Variants in TMEM178B observed in about 807,000 individuals in gnomAD.
The protein encoded by TMEM178B is transmembrane protein 178B.
In TMEM178B, 5 loss-of-function variants were observed where a neutral mutation model predicts 31.0. That is an observed-to-expected ratio of 0.16 (90% confidence interval 0.08 to 0.34). TMEM178B has a LOEUF of 0.34. Ranked by LOEUF, TMEM178B falls within the 10% of genes least tolerant of loss-of-function variation. TMEM178B has a pLI of 1.00. For synonymous variants in TMEM178B, 164 were observed against 164.0 expected (o/e 1.00, Z 0.00); for missense variants, 275 against 400.3 (o/e 0.69, Z 2.67).
intron 1 of TMEM178B, among the ~76,000 whole-genome samples, chr7:141,095,956 G>T (rs927864368): frequency 6.6e-6 from 1 of 152,162 alleles, no homozygotes; most frequent in South Asian, 2.1e-4. Flanking sequence ...CATAGGAGTG[G>T]CCAGGTGGGT....
intron 3 of TMEM178B, among the ~76,000 whole-genome samples, chr7:141,448,780 A>C (rs1801807836): frequency 6.6e-6 from 1 of 152,176 alleles, no homozygotes; most frequent in South Asian, 2.1e-4. Context: ...GTCCAGGCTC[A>C]GACTGGGACC....
intron 1 of TMEM178B, among the ~76,000 whole-genome samples, chr7:141,089,698 A>G (rs936323961): frequency 6.6e-6 from 1 of 152,220 alleles, no homozygotes; most frequent in Non-Finnish European, 1.5e-5. Context: ...GGATGAGTTC[A>G]TGTCCTTTGT....
intron 2 of TMEM178B, among the ~76,000 whole-genome samples, chr7:141,309,169 A>G (rs1798866419): frequency 6.6e-6 from 1 of 152,244 alleles, no homozygotes; most frequent in African/African-American, 2.4e-5. Context: ...AGAAGAAAAT[A>G]AAAATCACCT....
chr7:141,370,650 A>G (rs1800099182), intron 2 of TMEM178B, among the ~76,000 whole-genome samples: 2 of 152,262 alleles, frequency 1.3e-5, no homozygotes, highest in Non-Finnish European at 2.9e-5. Context: ...AGATTTGGAC[A>G]GGACTTGCAA....
intron 2 of TMEM178B, among the ~76,000 whole-genome samples, chr7:141,255,848 C>A (rs966783524): frequency 1.3e-5 from 2 of 152,252 alleles, no homozygotes; most frequent in African/African-American, 4.8e-5. Context: ...AGCCACTGCA[C>A]CTGGCCATTT....
At chr7:141,484,603 C>T (rs972560538), downstream of TMEM178B, among the ~76,000 whole-genome samples, 1 of 152,082 alleles carries the variant, frequency 6.6e-6, no homozygotes, top group African/African-American at 2.4e-5. This position sits in a 1 kb window ranked among gnomAD's most constrained non-coding sequence, Gnocchi z 4.8. Context: ...GCTCTGTCAC[C>T]CAGGCTGGAG....
rs536729905 is a variant in TMEM178B at position 141,380,958 on chromosome 7, G to A, written c.497-56650G>A. 2.6e-5 allele frequency among the ~76,000 whole-genome samples: 4 copies of A among 152,266 alleles called. No homozygotes were observed. The East Asian group carries it at 7.7e-4, about 29-fold the overall frequency. On this transcript the variant is annotated intron_variant, in intron 2 of 3. Transcript: ENST00000565468. ...GGGGATTACAGAGGCTAACATGGTG[G>A]CTGCTGAGTACCTGATAACAGATCC...
At chr7:141,455,507 G>T (rs1043659984) in intron 3 of TMEM178B, among the ~76,000 whole-genome samples, 1 of 152,224 alleles carries the variant, frequency 6.6e-6, no homozygotes, top group Admixed American at 6.5e-5. Context: ...ACATGAAATT[G>T]CTGTGATGAG....
intron 1 of TMEM178B, among the ~76,000 whole-genome samples, chr7:141,208,977 A>C (rs1797008093): frequency 6.6e-6 from 1 of 152,118 alleles, no homozygotes; most frequent in Admixed American, 6.5e-5. Context: ...GCTAGCTCGT[A>C]AGGCAGCATT....
At chr7:141,151,546 G>T (rs1050581874) in intron 1 of TMEM178B, among the ~76,000 whole-genome samples, 12 of 152,168 alleles carry the variant, frequency 7.9e-5, no homozygotes, top group African/African-American at 2.9e-4. Context: ...GATGGGCTCG[G>T]TGGATCCTGT....
At chr7:141,389,801 G>A (rs1800501291) in intron 2 of TMEM178B, among the ~76,000 whole-genome samples, 1 of 152,236 alleles carries the variant, frequency 6.6e-6, no homozygotes, top group Non-Finnish European at 1.5e-5. Context: ...TGAATAGGGA[G>A]TCATTCAGAG....
At chr7:141,273,502 C>A (rs1276073446) in intron 2 of TMEM178B, among the ~76,000 whole-genome samples, 1 of 152,104 alleles carries the variant, frequency 6.6e-6, no homozygotes, top group Non-Finnish European at 1.5e-5. Context: ...AGAAATGGAG[C>A]CATTTTTGAA....
intron 1 of TMEM178B, among the ~76,000 whole-genome samples, chr7:141,097,056 C>G (rs1337147096): frequency 1.3e-5 from 2 of 150,888 alleles, no homozygotes; most frequent in African/African-American, 4.9e-5. Flanking sequence ...CACAGCTGCA[C>G]TCCAGCTTGG....
chr7:141,257,453 G>A (rs528709497), intron 2 of TMEM178B, among the ~76,000 whole-genome samples: 2 of 152,322 alleles, frequency 1.3e-5, no homozygotes, highest in African/African-American at 4.8e-5. Flanking sequence ...GTTATGTCAT[G>A]TTTTTCAGGA....
intron 1 of TMEM178B, among the ~76,000 whole-genome samples, chr7:141,175,383 C>T (rs989836721): frequency 6.6e-6 from 1 of 151,934 alleles, no homozygotes; most frequent in Non-Finnish European, 1.5e-5. Flanking sequence ...TATAGTTTGA[C>T]ATCAGGTAGT....
intron 1 of TMEM178B, among the ~76,000 whole-genome samples, chr7:141,154,573 G>A (rs1015649023): frequency 1.2e-4 from 19 of 152,242 alleles, no homozygotes; most frequent in South Asian, 4.1e-4. Context: ...AGCTGTTCCT[G>A]CACATGTGTT....
intron 2 of TMEM178B, among the ~76,000 whole-genome samples, chr7:141,388,917 A>C (rs1376469598): frequency 6.8e-6 from 1 of 147,244 alleles, no homozygotes; most frequent in Non-Finnish European, 1.5e-5. Context: ...CACTTTGGCA[A>C]ACTCATCTGC....
At chr7:141,346,005 G>C (rs112462144) in intron 2 of TMEM178B, among the ~76,000 whole-genome samples, 3,507 of 152,008 alleles carry the variant, frequency 0.023, 129 homozygotes, top group African/African-American at 0.079. Context: ...AGGCTGAGGC[G>C]GGCGGATCAC....
intron 2 of TMEM178B, among the ~76,000 whole-genome samples, chr7:141,269,893 C>T (rs917075642): frequency 6.6e-6 from 1 of 152,072 alleles, no homozygotes; most frequent in African/African-American, 2.4e-5. Flanking sequence ...GGTGAAACCC[C>T]ATCTCTACTA....
Sources: gnomAD v4.1 joint callset for allele counts (sites outside exome capture counted in the v4.1 genomes callset) on GRCh38, gnomAD v4.1.1 for gene constraint, Gnocchi (gnomAD v3.1) non-coding constraint, MANE v1.5 for transcripts, NCBI Gene and HGNC (gene_info 2026-07-23, HGNC 2026-07-21) for gene names.